MEF2C: variants seen among roughly 807,000 people sequenced by gnomAD.
MEF2C encodes myocyte-specific enhancer factor 2C.
MEF2C carries 6 observed loss-of-function variants against 50.5 expected under a neutral mutation model. The ratio of observed to expected loss-of-function variants is 0.12; its 90% confidence interval spans 0.07 to 0.23. The LOEUF (loss-of-function observed/expected upper bound fraction) is 0.23, where lower values mean the gene tolerates loss of function less well. Among genes scored for constraint, MEF2C ranks in the 10% least tolerant of loss-of-function variants. MEF2C has a pLI of 1.00. For missense variants in MEF2C, 276 were observed against 605.0 expected, an observed-to-expected ratio of 0.46 and a Z score of 5.70; for synonymous variants, 183 against 228.0, an observed-to-expected ratio of 0.80 and a Z score of 1.78.
chr5:88,823,343 T>A (rs538036805), intron 2 of MEF2C, among the ~76,000 whole-genome samples: 1 of 151,954 alleles, frequency 6.6e-6, no homozygotes, highest in African/African-American at 2.4e-5. Flanking sequence ...TTATCCTATA[T>A]TATAAACCTT....
chr5:88,819,711 CA>C (rs781620104), intron 2 of MEF2C, among the ~76,000 whole-genome samples: 3 of 152,054 alleles, frequency 2.0e-5, no homozygotes, highest in South Asian at 2.1e-4. Flanking sequence ...TTAACTCAAT[CA>C]GGGGTCCATA....
intron 1 of MEF2C, among the ~76,000 whole-genome samples, chr5:88,843,768 C>A (rs1396162842): frequency 1.3e-5 from 2 of 150,566 alleles, no homozygotes; most frequent in Non-Finnish European, 3.0e-5. Context: ...TTGGCAACAA[C>A]GTCTTAATTT....
At chr5:88,741,187 C>A in intron 6 of MEF2C, 1 of 985,414 alleles carries the variant, frequency 1.0e-6, no homozygotes, top group Non-Finnish European at 1.2e-6. Flanking sequence ...CTTCACCACA[C>A]ATTTCATAAA....
In MEF2C at chr5:88,739,714, A is replaced by G. The variant is rs796885408; in HGVS notation, c.638-7813T>C. ...GAGTTATTCAGCTGTTGTGTATCAAAATCAGTTTTGTTTTTATTTTTATTT... is the reference window on the plus strand; with the variant it reads ...GAGTTATTCAGCTGTTGTGTATCAAGATCAGTTTTGTTTTTATTTTTATTT... On this transcript the variant is annotated intron_variant, in intron 6 of 10. Transcript: ENST00000504921. 5.1e-6 allele frequency: 5 copies of G among 985,302 alleles called. No individual in the cohort carries two copies. In the African/African-American group the frequency reaches 8.7e-5, roughly 17 times the overall value. The allele number at this position is 985,302 out of a possible 1,614,324, so 61.0% of individuals were successfully genotyped here. A position where few individuals can be genotyped will look rare whatever the true frequency, so the allele number is the denominator to read the frequency against.
intron 2 of MEF2C, among the ~76,000 whole-genome samples, chr5:88,822,035 T>C (rs1406774406): frequency 6.6e-6 from 1 of 151,936 alleles, no homozygotes; most frequent in Non-Finnish European, 1.5e-5. Flanking sequence ...TTCCATATTA[T>C]ATACAACTAT....
Position 88,726,733 on chromosome 5 carries a change from CTGTCCCTCCTT to C in MEF2C, c.1100+1749_1100+1759del, listed in dbSNP as rs554294516. ...TAATTCAGTTCCTTTCTGTCTAAGG[CTGTCCCTCCTT>C]TCTCATTTTCTGAAACCTCTATTAG... On this transcript the variant is annotated intron_variant, in intron 10 of 10. Coordinates refer to ENST00000504921, the MANE Select transcript of MEF2C (RefSeq NM_002397.5). Among the ~76,000 whole-genome samples the C allele has an allele frequency of 1.7e-4, 26 of 152,252 alleles. No individual in the cohort carries two copies. In the East Asian group the frequency reaches 5.0e-3, roughly 29 times the overall value.
chr5:88,865,809 A>G (rs926534543), intron 1 of MEF2C, among the ~76,000 whole-genome samples: 1 of 152,236 alleles, frequency 6.6e-6, no homozygotes, highest in Non-Finnish European at 1.5e-5. Flanking sequence ...GGGCATCGTA[A>G]GTGACAGGAA....
At chr5:88,754,035 T>C (rs1476592392) in intron 4 of MEF2C, among the ~76,000 whole-genome samples, 3 of 152,190 alleles carry the variant, frequency 2.0e-5, no homozygotes, top group Admixed American at 1.3e-4. Context: ...ACTTGCTCCA[T>C]CCAGACCCAC....
At chr5:88,807,962 T>C (rs966722335) in intron 2 of MEF2C, among the ~76,000 whole-genome samples, 2 of 152,208 alleles carry the variant, frequency 1.3e-5, no homozygotes, top group Non-Finnish European at 2.9e-5. Flanking sequence ...TTCTATTTCA[T>C]CTTTATTGAT....
At chr5:88,726,370 T>A (rs1316222314) in intron 10 of MEF2C, among the ~76,000 whole-genome samples, 1 of 152,198 alleles carries the variant, frequency 6.6e-6, no homozygotes, top group Admixed American at 6.5e-5. Context: ...GATGCTCATG[T>A]GAATTACTTT....
At chr5:88,824,076 G>T in intron 1 of MEF2C, 146 bp from the exon 2 acceptor site, 1 of 899,590 alleles carries the variant, frequency 1.1e-6, no homozygotes, top group South Asian at 4.7e-5. Context: ...AAAAATATAT[G>T]GTATATCACA....
chr5:88,754,362 C>T (rs1430660581), intron 4 of MEF2C, among the ~76,000 whole-genome samples: 1 of 152,204 alleles, frequency 6.6e-6, no homozygotes, highest in African/African-American at 2.4e-5. Flanking sequence ...ATAGGAACAG[C>T]TTCTAGGTTG....
intron 1 of MEF2C, among the ~76,000 whole-genome samples, chr5:88,837,803 A>G (rs1815767111): frequency 6.6e-6 from 1 of 152,214 alleles, no homozygotes; most frequent in African/African-American, 2.4e-5. Context: ...TAAACAGTTA[A>G]GACTAAGGTT....
intron 1 of MEF2C, among the ~76,000 whole-genome samples, chr5:88,866,869 A>G (rs570792492): frequency 3.3e-5 from 5 of 152,298 alleles, no homozygotes; most frequent in Admixed American, 3.3e-4. Context: ...TTTAATATTC[A>G]TTTATAGGCT....
intron 3 of MEF2C, chr5:88,766,588 G>A (rs1780155427): frequency 1.0e-6 from 1 of 956,636 alleles, no homozygotes; most frequent in African/African-American, 1.8e-5. Context: ...TTCTTTACAT[G>A]TCTGCAGTCT....
rs566864760 is a variant in MEF2C, at chr5:88,718,938, G to A, written c.*3666C>T. ...AGGAAATTAACGCCATAAAAGTGAC[G>A]ACATCACGGCAGATGGCACAAATGA... On this transcript the variant is annotated 3_prime_UTR_variant, in exon 11 of 11. Coordinates refer to ENST00000504921, the MANE Select transcript of MEF2C (RefSeq NM_002397.5). 7.2e-5 allele frequency: 11 copies of A among 152,262 alleles called. No homozygotes were observed. The highest frequency in any genetic ancestry group is 3.9e-4 in the Admixed American group (6 of 15,298). The allele number at this position is 152,262 out of a possible 1,614,324, so 9.4% of individuals were successfully genotyped here.
chr5:88,821,074 A>C (rs572715220), intron 2 of MEF2C, among the ~76,000 whole-genome samples: 10 of 152,170 alleles, frequency 6.6e-5, no homozygotes, highest in African/African-American at 2.4e-4. Flanking sequence ...AATAAAATCA[A>C]GAAATCTGTC....
intron 1 of MEF2C, among the ~76,000 whole-genome samples, chr5:88,891,662 G>C (rs539642280): frequency 6.6e-6 from 1 of 151,878 alleles, no homozygotes; most frequent in African/African-American, 2.4e-5. Context: ...TGCCTGTCTC[G>C]GCCACCCAAA....
chr5:88,865,720 C>G (rs1827074903), intron 1 of MEF2C, among the ~76,000 whole-genome samples: 1 of 152,076 alleles, frequency 6.6e-6, no homozygotes, highest in Non-Finnish European at 1.5e-5. Context: ...AGTGGTTTTG[C>G]TGGAAAGAGA....
Sources: gnomAD v4.1 joint callset for allele counts (sites outside exome capture counted in the v4.1 genomes callset) on GRCh38, gnomAD v4.1.1 for gene constraint, MANE v1.5 for transcripts, NCBI Gene and HGNC (gene_info 2026-07-23, HGNC 2026-07-21) for gene names.